Variants in TGM4 observed in about 807,000 individuals in gnomAD.
TGM4 encodes protein-glutamine gamma-glutamyltransferase 4.
A neutral mutation model predicts 76.3 loss-of-function variants in TGM4; 61 were observed. That is an observed-to-expected ratio of 0.80 (90% CI 0.65 to 0.99). TGM4 has a LOEUF of 0.99. Ranked by LOEUF, TGM4 falls within the 50% of genes least tolerant of loss-of-function variation. The probability of loss-of-function intolerance (pLI) is 0.00; values close to 1 mark genes in which losing one functional copy is unlikely to be tolerated. For synonymous variants in TGM4, 337 were observed against 329.8 expected (o/e 1.02, Z -0.24); for missense variants, 794 against 843.2 (o/e 0.94, Z 0.72).
chr3:44,875,406 G>A (rs1699438362), intron 1 of TGM4, among the ~76,000 whole-genome samples: 1 of 152,202 alleles, frequency 6.6e-6, no homozygotes, highest in South Asian at 2.1e-4. Context: ...AAGGTCACCT[G>A]ATGGATTTCC....
In TGM4 at chr3:44,901,387, T is replaced by C. The variant is rs1223637264; in HGVS notation, c.658-137T>C. 4.7e-6 allele frequency: 5 copies of C among 1,066,832 alleles called. No homozygotes were observed. The African/African-American group carries it at 8.0e-5, about 17-fold the overall frequency. 66.1% of individuals were successfully genotyped at this position (1,066,832 alleles called of 1,614,324 possible). A position where few individuals can be genotyped will look rare whatever the true frequency, so the allele number is the denominator to read the frequency against. ...TGGCCCTTCTGGGCACCCCACCTGTTCTGGAAAGCCCACGTCCTCCAAGTA... is the reference window on the plus strand; with the variant it reads ...TGGCCCTTCTGGGCACCCCACCTGTCCTGGAAAGCCCACGTCCTCCAAGTA... On this transcript the variant is annotated intron_variant, in intron 6 of 13. Coordinates refer to ENST00000296125, the MANE Select transcript of TGM4 (RefSeq NM_003241.4).
Position 44,910,219 on chromosome 3 carries a change from ACT to A in TGM4, c.1460_1461del (p.Ser487CysfsTer2), listed in dbSNP as rs746623812. On this transcript the variant is annotated frameshift_variant, in exon 11 of 14. Coordinates refer to ENST00000296125, the MANE Select transcript of TGM4 (RefSeq NM_003241.4). LOFTEE classifies it high-confidence loss of function. ...CAATCAGATGATGTGCTGCTGGGAAACTCTGTTAATTTCACCGTGATTCTTAA... is the reference window on the plus strand; with the variant it reads ...CAATCAGATGATGTGCTGCTGGGAAACTGTTAATTTCACCGTGATTCTTAA... 28 of 1,613,842 alleles carry A rather than the reference ACT, an allele frequency of 1.7e-5. No individual in the cohort carries two copies. Among genetic ancestry groups the A allele is most frequent in the East Asian group, 4.5e-5 (2 of 44,890 alleles).
intron 1 of TGM4, among the ~76,000 whole-genome samples, chr3:44,884,003 T>C (rs2125748283): frequency 6.6e-6 from 1 of 152,186 alleles, no homozygotes; most frequent in Admixed American, 6.5e-5. Flanking sequence ...ATCTAGGGGT[T>C]CTCCATATGT....
In TGM4 at chr3:44,887,742, C is replaced by G. The variant is rs779399177; in HGVS notation, c.247C>G (p.Pro83Ala). Residue 83 changes from proline to alanine, a missense_variant, in exon 3 of 14, where the codon CCC (proline) becomes GCC (alanine). By Grantham distance (27) the Pro-to-Ala change is conservative. Transcript: ENST00000296125. ...CCTGGTGGTGCTCGACCCGAGGACGCCCTCAGACCACTACAACTGGCAGGC... is the reference window on the plus strand; with the variant it reads ...CCTGGTGGTGCTCGACCCGAGGACGGCCTCAGACCACTACAACTGGCAGGC... ...HTLVVLDPRT[P>A]SDHYNWQATL... The G allele has an allele frequency of 1.2e-6, 2 of 1,614,026 alleles. No homozygotes were observed. Among genetic ancestry groups the G allele is most frequent in the Non-Finnish European group, 1.7e-6 (2 of 1,180,042 alleles).
At position 44,911,381 on chromosome 3, in the gene TGM4, T is replaced by A. The variant is rs748355376; in HGVS notation, c.1888T>A (p.Ser630Thr). 2 of 1,614,246 alleles carry A rather than the reference T, an allele frequency of 1.2e-6. No homozygotes were observed. The highest frequency in any genetic ancestry group is 1.7e-6 in the Non-Finnish European group (2 of 1,180,044). ...GTTCTCTTTGGAAAGCCTGGGCATC[T>A]CCTCACTACAGACCTCTGACCATGG... is the stretch of plus-strand genomic sequence containing the variant. ...VKFSLESLGI[S>T]SLQTSDHGTV... Residue 630 changes from serine (S) to threonine (T), a missense_variant, in exon 13 of 14, where the codon TCC becomes ACC. By Grantham distance (58) the Ser-to-Thr change is moderately conservative (BLOSUM62 1). Transcript: ENST00000296125.
chr3:44,910,158 CG>C lies in TGM4; in HGVS notation c.1397del (p.Arg466HisfsTer3). ...LLLSSEREHRRPVKENFLHMS... is the reference protein window; with the variant it reads ...LLLSSEREHRXPVKENFLHMS... ...TCTCAGTTCTGAGAGGGAGCACAGA[CG>C]ACCTGTAAAAGAGAACTTTCTTCAC... is the stretch of plus-strand genomic sequence containing the variant. On this transcript the variant is annotated frameshift_variant, in exon 11 of 14. Transcript: ENST00000296125. LOFTEE classifies it high-confidence loss of function. 6.2e-7 allele frequency: 1 copy of C among 1,614,162 alleles called. No individual in the cohort carries two copies. Among genetic ancestry groups the C allele is most frequent in the Non-Finnish European group, 8.5e-7 (1 of 1,180,040 alleles).
chr3:44,909,299 ATCTG>A (rs1201579957), intron 10 of TGM4, among the ~76,000 whole-genome samples: 1 of 152,158 alleles, frequency 6.6e-6, no homozygotes, highest in African/African-American at 2.4e-5. Flanking sequence ...ATTTCCAGGA[ATCTG>A]TCTGAGCTTT....
At chr3:44,890,804 T>A in intron 4 of TGM4, 72 bp downstream of exon 4, 1 of 1,558,708 alleles carries the variant, frequency 6.4e-7, no homozygotes, top group Non-Finnish European at 8.7e-7. Context: ...CAATGCATAG[T>A]CTATGAGCTT....
chr3:44,890,464 G>A, intron 3 of TGM4, 139 bp from the exon 4 acceptor site: 1 of 1,258,702 alleles, frequency 7.9e-7, no homozygotes, highest in Non-Finnish European at 1.1e-6. Flanking sequence ...GCTGTCCAGG[G>A]TCCTGACCAT....
chr3:44,904,007 G>T lies in TGM4; in HGVS notation c.1075+20G>T. On this transcript the variant is annotated intron_variant, in intron 9 of 13. Coordinates refer to ENST00000296125, the MANE Select transcript of TGM4 (RefSeq NM_003241.4). ...GCCAGGGTGAGTGGGTGGCAGGAAG[G>T]CGCTGGGCATCCATGCTGCTCTCCT... 6.2e-7 allele frequency: 1 copy of T among 1,605,786 alleles called. No homozygotes were observed. The highest frequency in any genetic ancestry group is 8.5e-7 in the Non-Finnish European group (1 of 1,174,044).
At chr3:44,900,368 C>T (rs4683002) in intron 6 of TGM4, among the ~76,000 whole-genome samples, 2 of 151,954 alleles carry the variant, frequency 1.3e-5, no homozygotes, top group African/African-American at 2.4e-5. Context: ...TTGAGTCTGG[C>T]GGTGGCCTCT....
intron 6 of TGM4, among the ~76,000 whole-genome samples, 184 bp downstream of exon 6, chr3:44,897,000 C>CTTTTTTTTT (rs59154155): frequency 9.6e-6 from 1 of 104,402 alleles, no homozygotes; most frequent in African/African-American, 3.7e-5. Flanking sequence ...GTTTTCTTTT[C>CTTTTTTTTT]TTTTTTTTTT....
chr3:44,901,982 C>A (rs1400794517), intron 8 of TGM4, 51 bp downstream of exon 8: 1 of 1,584,860 alleles, frequency 6.3e-7, no homozygotes, highest in East Asian at 2.2e-5. Flanking sequence ...CAGGAATTTT[C>A]TTTTTTCTTT....
At chr3:44,901,458 G>A (rs1474307104) in intron 6 of TGM4, 66 bp from the exon 7 acceptor site, 1 of 1,510,426 alleles carries the variant, frequency 6.6e-7, no homozygotes, top group Non-Finnish European at 8.9e-7. Context: ...GGGTGGCCAA[G>A]CTGGGCTGGC....
intron 10 of TGM4, among the ~76,000 whole-genome samples, chr3:44,907,561 T>G (rs3828354): frequency 0.59 from 89,255 of 151,910 alleles, 27,451 homozygotes; most frequent in East Asian, 0.9. Context: ...GACTGTCCGT[T>G]CTCCCCAGTG....
chr3:44,913,716 C>G lies in TGM4; in HGVS notation c.2046C>G (p.Ile682Met). Residue 682 changes from isoleucine (I) to methionine (M), a missense_variant, in exon 14 of 14, where the codon ATC becomes ATG. Transcript: ENST00000296125. Reference protein sequence around the residue: ...KEINAQKIVLITK With the variant: ...KEINAQKIVLMTK ...TTAATGCTCAGAAGATTGTTCTCAT[C>G]ACCAAGTAGCCTTGTCTGATGCTGT... is the stretch of plus-strand genomic sequence containing the variant. The G allele has an allele frequency of 6.2e-7, 1 of 1,613,352 alleles. No homozygotes were observed. Among genetic ancestry groups the G allele is most frequent in the Non-Finnish European group, 8.5e-7 (1 of 1,179,618 alleles).
intron 1 of TGM4, among the ~76,000 whole-genome samples, chr3:44,878,538 A>G (rs1216108167): frequency 6.6e-6 from 1 of 150,856 alleles, no homozygotes; most frequent in East Asian, 1.9e-4. Context: ...GCTGGAGCAC[A>G]GTGACGTGAT....
chr3:44,909,298 A>G (rs1699968340), intron 10 of TGM4, among the ~76,000 whole-genome samples: 1 of 152,152 alleles, frequency 6.6e-6, no homozygotes, highest in Non-Finnish European at 1.5e-5. Flanking sequence ...GATTTCCAGG[A>G]ATCTGTCTGA....
rs1699987173 is a variant in TGM4, at chr3:44,910,376, A to AACCAGAGGG, written c.1606+10_1606+18dup. The AACCAGAGGG allele has an allele frequency of 6.2e-7, 1 of 1,611,268 alleles. No individual in the cohort carries two copies. The highest frequency in any genetic ancestry group is 1.3e-5 in the African/African-American group (1 of 74,986). On this transcript the variant is annotated intron_variant, in intron 11 of 13. Coordinates refer to ENST00000296125, the MANE Select transcript of TGM4 (RefSeq NM_003241.4). The stretch of plus-strand genomic sequence containing the variant: ...CGCAGATCCAAGGTCAAGGTACCAG[A>AACCAGAGGG]ACCAGAGGGAGGAGAGGCCTCAAGT...
Sources: gnomAD v4.1 joint callset for allele counts (sites outside exome capture counted in the v4.1 genomes callset) on GRCh38, gnomAD v4.1.1 for gene constraint, MANE v1.5 for transcripts, NCBI Gene and HGNC (gene_info 2026-07-23, HGNC 2026-07-21) for gene names.